Variants in SHISA9 observed in about 807,000 individuals in gnomAD.
SHISA9 encodes shisa family member 9.
In SHISA9, 13 loss-of-function variants were observed where a neutral mutation model predicts 38.0. That is an observed-to-expected ratio of 0.34 (90% CI 0.22 to 0.54). The LOEUF is 0.54. Ranked by LOEUF, SHISA9 falls within the 20% of genes least tolerant of loss-of-function variation. The probability of loss-of-function intolerance (pLI) is 0.91; values close to 1 mark genes in which losing one functional copy is unlikely to be tolerated. For synonymous variants in SHISA9, 275 were observed against 242.0 expected (o/e 1.14, Z -1.27); for missense variants, 538 against 575.8 (o/e 0.93, Z 0.67).
the SHISA9 span, among the ~76,000 whole-genome samples, chr16:13,524,003 C>A: frequency 1.3e-5 from 2 of 152,230 alleles, no homozygotes; most frequent in Admixed American, 1.3e-4. Context: ...CAGGAAAATG[C>A]AGAATTTACC....
chr16:13,420,134 T>C, the SHISA9 span, among the ~76,000 whole-genome samples: 3 of 148,148 alleles, frequency 2.0e-5, no homozygotes, highest in Admixed American at 1.4e-4. Context: ...TAATCCCAGC[T>C]ACTCTGGATG....
chr16:13,416,357 A>G, the SHISA9 span, among the ~76,000 whole-genome samples: 1 of 152,186 alleles, frequency 6.6e-6, no homozygotes, highest in Admixed American at 6.5e-5. Context: ...TCAAAATCTT[A>G]ATTATCTTAC....
chr16:13,038,182 G>A (rs1479789942), intron 2 of SHISA9, among the ~76,000 whole-genome samples: 2 of 152,164 alleles, frequency 1.3e-5, no homozygotes, highest in Non-Finnish European at 2.9e-5. Context: ...TAGAGACAGG[G>A]TTTCACCATG....
chr16:13,418,434 A>G, the SHISA9 span, among the ~76,000 whole-genome samples: 23 of 152,160 alleles, frequency 1.5e-4, no homozygotes, highest in Admixed American at 3.9e-4. Context: ...ACCATGTGGC[A>G]TCTGCTGAAA....
intron 2 of SHISA9, among the ~76,000 whole-genome samples, chr16:13,041,339 T>C (rs2073129586): frequency 6.6e-6 from 1 of 152,204 alleles, no homozygotes; most frequent in South Asian, 2.1e-4. Flanking sequence ...GGCTTAGGAC[T>C]CCTGCTGTTG....
chr16:13,321,804 CAAT>C, the SHISA9 span, among the ~76,000 whole-genome samples: 95 of 152,258 alleles, frequency 6.2e-4, no homozygotes, highest in Admixed American at 2.1e-3. Flanking sequence ...AAAATAATCT[CAAT>C]AATAATCTCT....
intron 2 of SHISA9, chr16:13,082,361 C>T (rs1239031473): frequency 6.7e-6 from 1 of 149,940 alleles, no homozygotes; most frequent in African/African-American, 2.4e-5. Context: ...GACCTGAGTT[C>T]CTCTCTCTTT....
chr16:13,375,353 A>G, the SHISA9 span, among the ~76,000 whole-genome samples: 1 of 152,058 alleles, frequency 6.6e-6, no homozygotes, highest in African/African-American at 2.4e-5. Flanking sequence ...TTTGTATAAG[A>G]TGTAAGGAAG....
At chr16:12,960,759 T>A (rs2071899805) in intron 2 of SHISA9, among the ~76,000 whole-genome samples, 1 of 152,168 alleles carries the variant, frequency 6.6e-6, no homozygotes, top group Non-Finnish European at 1.5e-5. Flanking sequence ...CTGTCCTCCC[T>A]TTTCTTCCAG....
chr16:13,408,084 TGCAGAAGCTCTTTA>T, the SHISA9 span, among the ~76,000 whole-genome samples: 2 of 149,318 alleles, frequency 1.3e-5, no homozygotes, highest in Non-Finnish European at 3.0e-5. Flanking sequence ...TCTTTTGCTG[TGCAGAAGCTCTTTA>T]GCAGAAGCTC....
chr16:13,488,515 T>C, the SHISA9 span, among the ~76,000 whole-genome samples: 7 of 152,328 alleles, frequency 4.6e-5, no homozygotes, highest in African/African-American at 1.7e-4. Context: ...TATTCTCTTT[T>C]TACTGTACTG....
At chr16:13,344,982 A>G in the SHISA9 span, among the ~76,000 whole-genome samples, 1 of 152,198 alleles carries the variant, frequency 6.6e-6, no homozygotes. Flanking sequence ...TTCCCCATGT[A>G]TGTAGAATTG....
intron 2 of SHISA9, among the ~76,000 whole-genome samples, chr16:13,077,926 A>C (rs2073602154): frequency 6.6e-6 from 1 of 152,234 alleles, no homozygotes; most frequent in South Asian, 2.1e-4. Flanking sequence ...AGCAAGTTAT[A>C]CTATAATGAT....
chr16:13,011,671 G>A (rs1011562156), intron 2 of SHISA9, among the ~76,000 whole-genome samples: 3 of 151,894 alleles, frequency 2.0e-5, no homozygotes, highest in African/African-American at 7.3e-5. Context: ...ACAGGCACCC[G>A]CCACCATGCC....
chr16:13,169,812 C>G (rs1259890542), intron 2 of SHISA9, among the ~76,000 whole-genome samples: 1 of 152,136 alleles, frequency 6.6e-6, no homozygotes. Context: ...TCGGATCACT[C>G]TCTTCTCTTG....
intron 2 of SHISA9, among the ~76,000 whole-genome samples, chr16:13,039,567 C>G (rs948658668): frequency 6.7e-6 from 1 of 148,716 alleles, no homozygotes; most frequent in African/African-American, 2.5e-5. Context: ...CAGAGAAACA[C>G]AGAGTATAAT....
At chr16:13,377,588 A>G in the SHISA9 span, among the ~76,000 whole-genome samples, 2 of 152,170 alleles carry the variant, frequency 1.3e-5, no homozygotes, top group Non-Finnish European at 2.9e-5. Flanking sequence ...AAAATGTACA[A>G]ACACATACGT....
chr16:13,284,934 G>A, the SHISA9 span, among the ~76,000 whole-genome samples: 8 of 152,116 alleles, frequency 5.3e-5, no homozygotes, highest in Admixed American at 4.6e-4. Context: ...CTAAACAGAT[G>A]TTGGATCTTC....
chr16:13,113,432 C>A (rs2141969505), intron 2 of SHISA9, among the ~76,000 whole-genome samples: 1 of 152,196 alleles, frequency 6.6e-6, no homozygotes. Flanking sequence ...TCCATCCTAC[C>A]AAGCCTGGAG....
Sources: gnomAD v4.1 joint callset for allele counts (sites outside exome capture counted in the v4.1 genomes callset) on GRCh38, gnomAD v4.1.1 for gene constraint, MANE v1.5 for transcripts, NCBI Gene and HGNC (gene_info 2026-07-23, HGNC 2026-07-21) for gene names.